Variants in OBP2B observed in about 807,000 individuals in gnomAD.
The protein encoded by OBP2B is odorant-binding protein 2b.
In OBP2B, 10 loss-of-function variants were observed where a neutral mutation model predicts 21.7. That is an observed-to-expected ratio of 0.46 (90% confidence interval 0.28 to 0.78). The LOEUF (loss-of-function observed/expected upper bound fraction) is 0.78. Ranked by LOEUF, OBP2B falls within the 30% of genes least tolerant of loss-of-function variation. OBP2B has a pLI of 0.11. For synonymous variants in OBP2B, 73 were observed against 91.5 expected (o/e 0.80, Z 1.16); for missense variants, 153 against 217.7 (o/e 0.70, Z 1.87).
Position 133,207,102 on chromosome 9 carries a change from CA to C in OBP2B, c.388+123del. 4.3e-6 allele frequency: 3 copies of C among 702,936 alleles called. No homozygotes were observed. The South Asian group carries it at 4.9e-5, about 12-fold the overall frequency. 43.5% of individuals were successfully genotyped at this position (702,936 alleles called of 1,614,324 possible). On this transcript the variant is annotated intron_variant, in intron 4 of 6. Transcript: ENST00000372034. ...GGACCGGCTGCCCAGCGGTGCCCGGCACATGAAAGCCGGCACAGGGGGCTTC... is the reference window on the plus strand; with the variant it reads ...GGACCGGCTGCCCAGCGGTGCCCGGCCATGAAAGCCGGCACAGGGGGCTTC...
chr9:133,213,267 A>T (rs1833937717), upstream of OBP2B, among the ~76,000 whole-genome samples: 2 of 152,102 alleles, frequency 1.3e-5, no homozygotes, highest in South Asian at 4.1e-4. Context: ...AACATATCAA[A>T]ATTTGTGAGA....
At chr9:133,214,687 G>C in the OBP2B span, among the ~76,000 whole-genome samples, 1 of 152,236 alleles carries the variant, frequency 6.6e-6, no homozygotes, top group Non-Finnish European at 1.5e-5. Flanking sequence ...CACATAATTA[G>C]ATAAGCGAGC....
At chr9:133,207,099 C>T (rs571416272) in intron 4 of OBP2B, 127 bp downstream of exon 4, 22 of 691,836 alleles carry the variant, frequency 3.2e-5, no homozygotes, top group Middle Eastern at 3.7e-4. Flanking sequence ...CAGCGGTGCC[C>T]GGCACATGAA....
intron 5 of OBP2B, 132 bp from the exon 6 acceptor site, chr9:133,206,072 C>G (rs1332704337): frequency 9.3e-7 from 1 of 1,075,568 alleles, no homozygotes; most frequent in Admixed American, 2.0e-5. Flanking sequence ...CCCATCGCAG[C>G]CCAGAGCGCG....
chr9:133,218,711 A>T, the OBP2B span, among the ~76,000 whole-genome samples: 1 of 152,266 alleles, frequency 6.6e-6, no homozygotes, highest in East Asian at 1.9e-4. Flanking sequence ...GCCTGGAGGG[A>T]ATTTCAATCC....
At chr9:133,211,519 C>G (rs1833917286), upstream of OBP2B, among the ~76,000 whole-genome samples, 1 of 152,190 alleles carries the variant, frequency 6.6e-6, no homozygotes. Flanking sequence ...TTCTGTGCTT[C>G]CCCTGACACC....
chr9:133,221,425 T>C, the OBP2B span, among the ~76,000 whole-genome samples: 1 of 152,062 alleles, frequency 6.6e-6, no homozygotes, highest in Non-Finnish European at 1.5e-5. Context: ...CGATAGAAAA[T>C]GGGATACTCT....
chr9:133,220,902 C>T, the OBP2B span, among the ~76,000 whole-genome samples: 3 of 152,152 alleles, frequency 2.0e-5, no homozygotes, highest in Admixed American at 1.3e-4. Flanking sequence ...GTAGAAGAGG[C>T]TGTGCTGCTG....
upstream of OBP2B, among the ~76,000 whole-genome samples, chr9:133,213,406 A>G (rs1833939814): frequency 6.6e-6 from 1 of 152,208 alleles, no homozygotes; most frequent in Non-Finnish European, 1.5e-5. Flanking sequence ...AGCAAGAAGA[A>G]AAGAAATAAC....
chr9:133,216,497 C>A, the OBP2B span, among the ~76,000 whole-genome samples: 1 of 148,334 alleles, frequency 6.7e-6, no homozygotes, highest in South Asian at 2.1e-4. Flanking sequence ...AAAAAAAAAA[C>A]CCTGCAACAA....
At chr9:133,216,197 A>C in the OBP2B span, among the ~76,000 whole-genome samples, 2 of 151,232 alleles carry the variant, frequency 1.3e-5, no homozygotes, top group Non-Finnish European at 2.9e-5. Context: ...TTCAACAAAG[A>C]ATTAGTTTCT....
At chr9:133,207,096 G>T in intron 4 of OBP2B, 130 bp downstream of exon 4, 2 of 680,320 alleles carry the variant, frequency 2.9e-6, no homozygotes, top group Non-Finnish European at 2.6e-6. Flanking sequence ...GCCCAGCGGT[G>T]CCCGGCACAT....
the OBP2B span, among the ~76,000 whole-genome samples, chr9:133,219,019 G>A: frequency 2.0e-5 from 3 of 152,250 alleles, no homozygotes; most frequent in African/African-American, 4.8e-5. Flanking sequence ...GCAAGAATTA[G>A]TTGAGATGCC....
chr9:133,207,245 G>C lies in OBP2B; in HGVS notation c.369C>G (p.Leu123=). The change falls in exon 4 of 7, where the codon CTC becomes CTG. Residue 123 remains leucine (L), a synonymous_variant. Transcript: ENST00000372034. ...YCKDQHHGGL[L]HMGKLVGRNS... ...CCTCACCCACAAGCTTTCCCATGTGGAGCAGGCCCCCATGGTGCTGGTCTT... is the reference window on the plus strand; with the variant it reads ...CCTCACCCACAAGCTTTCCCATGTGCAGCAGGCCCCCATGGTGCTGGTCTT... The C allele has an allele frequency of 6.2e-7, 1 of 1,613,572 alleles. No individual in the cohort carries two copies. The highest frequency in any genetic ancestry group is 8.5e-7 in the Non-Finnish European group (1 of 1,179,540).
upstream of OBP2B, among the ~76,000 whole-genome samples, chr9:133,211,550 G>A (rs1275810388): frequency 6.6e-6 from 1 of 152,240 alleles, no homozygotes; most frequent in Non-Finnish European, 1.5e-5. Flanking sequence ...AGATGTGCAA[G>A]TGAATCAGCA....
chr9:133,206,346 C>T lies in OBP2B; in HGVS notation c.459G>A (p.Ser153=), dbSNP rs182264908. Residue 153 remains serine (S), a synonymous_variant, in exon 5 of 7, where the codon TCG becomes TCA. Transcript: ENST00000372034. ...GCAGGGGCGTGAAAATGTCCTCCTCCGAGAGTCCCTTGCGCTGCACCAATT... is the reference window on the plus strand; with the variant it reads ...GCAGGGGCGTGAAAATGTCCTCCTCTGAGAGTCCCTTGCGCTGCACCAATT... ...FKKLVQRKGL[S]EEDIFTPLQT... 2.5e-5 allele frequency: 40 copies of T among 1,613,880 alleles called. No homozygotes were observed. The highest frequency in any genetic ancestry group is 1.8e-4 in the East Asian group (8 of 44,854).
At chr9:133,220,494 A>C in the OBP2B span, among the ~76,000 whole-genome samples, 1 of 151,852 alleles carries the variant, frequency 6.6e-6, no homozygotes, top group Non-Finnish European at 1.5e-5. Context: ...CCGCATCCTC[A>C]TCCCTGGCCC....
chr9:133,214,052 T>A (rs2119411485), upstream of OBP2B, among the ~76,000 whole-genome samples: 1 of 152,332 alleles, frequency 6.6e-6, no homozygotes, highest in East Asian at 1.9e-4. Flanking sequence ...ATTCCAGGGA[T>A]GGAAACCTGG....
the OBP2B span, among the ~76,000 whole-genome samples, chr9:133,218,912 G>T: frequency 6.6e-6 from 1 of 152,234 alleles, no homozygotes; most frequent in Non-Finnish European, 1.5e-5. Flanking sequence ...AGTCCATGCA[G>T]ACAGAGGGTG....
Sources: allele counts gnomAD v4.1 joint callset (sites outside exome capture counted in the v4.1 genomes callset), GRCh38; gene constraint gnomAD v4.1.1; transcripts MANE v1.5; gene names NCBI Gene and HGNC (gene_info 2026-07-23, HGNC 2026-07-21).